LLGL1: variants seen among roughly 807,000 people sequenced by gnomAD.
LLGL1 encodes the protein lethal(2) giant larvae protein homolog 1.
A neutral mutation model predicts 110.6 loss-of-function variants in LLGL1; 58 were observed. That is an observed-to-expected ratio of 0.52 (90% CI 0.42 to 0.65). The LOEUF is 0.65. LLGL1 is among the 30% of genes least tolerant of loss of function. The pLI is 0.00. For synonymous variants in LLGL1, 674 were observed against 607.2 expected (o/e 1.11, Z -1.62); for missense variants, 1,229 against 1,462.1 (o/e 0.84, Z 2.60).
chr17:18,226,598 A>G (rs1249116750), intron 1 of LLGL1, among the ~76,000 whole-genome samples: 1 of 152,158 alleles, frequency 6.6e-6, no homozygotes, highest in Non-Finnish European at 1.5e-5. Flanking sequence ...CAGTTTCCCT[A>G]GCTGTGAAAT....
chr17:18,228,303 C>T (rs568215532), intron 1 of LLGL1, among the ~76,000 whole-genome samples: 3 of 152,278 alleles, frequency 2.0e-5, no homozygotes, highest in Middle Eastern at 3.4e-3. Flanking sequence ...TACTCCTGAG[C>T]GACAGGAAGT....
At chr17:18,231,006 G>T (rs1345863264) in intron 2 of LLGL1, among the ~76,000 whole-genome samples, 2 of 152,210 alleles carry the variant, frequency 1.3e-5, no homozygotes, top group Non-Finnish European at 2.9e-5. Flanking sequence ...TGCCTGGCCT[G>T]CTGCTCCCAC....
At chr17:18,228,737 G>A (rs1019972099) in intron 1 of LLGL1, among the ~76,000 whole-genome samples, 7 of 152,176 alleles carry the variant, frequency 4.6e-5, no homozygotes, top group Admixed American at 3.3e-4. Flanking sequence ...CAGCAAGGGC[G>A]TGGTATTATT....
Position 18,241,721 on chromosome 17 carries a change from G to A in LLGL1, c.2767+6G>A. The A allele has an allele frequency of 1.9e-6, 3 of 1,611,876 alleles. No homozygotes were observed. The highest frequency in any genetic ancestry group is 2.5e-6 in the Non-Finnish European group (3 of 1,178,960). ...CTTTACGCGCCATGGCCAGGGTGAG[G>A]CGGGGCAGAGGCCGAGGAGGCCTTC... On this transcript the variant is annotated splice_donor_region_variant and intron_variant, in intron 18 of 22. Coordinates refer to ENST00000316843, the MANE Select transcript of LLGL1 (RefSeq NM_004140.4).
chr17:18,240,517 A>G lies in LLGL1; in HGVS notation c.2207-61A>G. 1 of 1,499,236 alleles carries G rather than the reference A, an allele frequency of 6.7e-7. No individual in the cohort carries two copies. The highest frequency in any genetic ancestry group is 8.9e-7 in the Non-Finnish European group (1 of 1,122,624). The allele number at this position is 1,499,236 out of a possible 1,614,324, so 92.9% of individuals were successfully genotyped here. ...AGGGAGGGACCTGCAGTCTGTGGGA[A>G]GACCCCAGGGGAGATGCCTGGCCCA... On this transcript the variant is annotated intron_variant, in intron 16 of 22. Transcript: ENST00000316843. The surrounding 1 kb of genome is among the most constrained non-coding windows in gnomAD (Gnocchi z 5.3).
At chr17:18,242,086 C>A in intron 19 of LLGL1, 80 bp from the exon 20 acceptor site, 1 of 1,537,294 alleles carries the variant, frequency 6.5e-7, no homozygotes, top group Non-Finnish European at 9.0e-7. Flanking sequence ...TCCCTGGGCT[C>A]AGGAGTGGGA....
intron 21 of LLGL1, 53 bp downstream of exon 21, chr17:18,242,681 C>T (rs879572748): frequency 1.3e-5 from 21 of 1,570,662 alleles, no homozygotes; most frequent in African/African-American, 5.4e-5. Flanking sequence ...CCTAGGCCTC[C>T]GTCCCCAGGG....
At chr17:18,230,319 C>T (rs932610633) in intron 2 of LLGL1, among the ~76,000 whole-genome samples, 1 of 152,184 alleles carries the variant, frequency 6.6e-6, no homozygotes, top group Admixed American at 6.5e-5. Flanking sequence ...GTTACCTAGG[C>T]GACCCTGCCA....
chr17:18,236,822 C>T lies in LLGL1; in HGVS notation c.1507-13C>T, dbSNP rs2047705286. 6.2e-7 allele frequency: 1 copy of T among 1,613,362 alleles called. No homozygotes were observed. Among genetic ancestry groups the T allele is most frequent in the African/African-American group, 1.3e-5 (1 of 74,892 alleles). Reference sequence around the variant, plus strand: ...ACCCCGCCTGGACTCATTACTCCTTCCCATCCCTCTAGGTGGGCTGCTTCG... The same window carrying T: ...ACCCCGCCTGGACTCATTACTCCTTTCCATCCCTCTAGGTGGGCTGCTTCG... On this transcript the variant is annotated splice_polypyrimidine_tract_variant and intron_variant, in intron 12 of 22. Coordinates refer to ENST00000316843, the MANE Select transcript of LLGL1 (RefSeq NM_004140.4).
In LLGL1 at chr17:18,236,661, G is replaced by A. The variant is rs137941953; in HGVS notation, c.1407G>A (p.Pro469=). The change falls in exon 12 of 23, where the codon CCG becomes CCA. Residue 469 remains proline, a synonymous_variant. Transcript: ENST00000316843. ...FWDASGVALR[P]LYKLSTAGLF... is the part of the protein sequence containing the mutation. ...ATGCCTCGGGTGTGGCGCTGCGGCC[G>A]CTCTATAAGCTGAGCACAGCTGGCC... 28 of 1,612,674 alleles carry A rather than the reference G, an allele frequency of 1.7e-5. No homozygotes were observed. The highest frequency in any genetic ancestry group is 1.7e-4 in the Admixed American group (10 of 60,002).
chr17:18,242,910 A>G, intron 22 of LLGL1, 88 bp downstream of exon 22: 1 of 1,262,554 alleles, frequency 7.9e-7, no homozygotes, highest in South Asian at 1.6e-5. Flanking sequence ...CTGGTCTTCT[A>G]CCTGAGACCC....
intron 1 of LLGL1, among the ~76,000 whole-genome samples, chr17:18,228,387 G>C (rs1348088054): frequency 6.6e-6 from 1 of 152,226 alleles, no homozygotes; most frequent in Non-Finnish European, 1.5e-5. Context: ...CCTTAGCTGG[G>C]AGCCCCAGGA....
In LLGL1 at chr17:18,235,201, C is replaced by T. The variant is rs1336407588; in HGVS notation, c.1173C>T (p.His391=). The change falls in exon 10 of 23, where the codon CAC becomes CAT. Residue 391 remains histidine, a synonymous_variant. Coordinates refer to ENST00000316843, the MANE Select transcript of LLGL1 (RefSeq NM_004140.4). ...AVPAPYLAPL[H]SSAITCSAHV... ...CTGCCCCATACCTGGCCCCGCTGCACTCCTCTGCAATCACTTGCTCGGCCC... is the reference window on the plus strand; with the variant it reads ...CTGCCCCATACCTGGCCCCGCTGCATTCCTCTGCAATCACTTGCTCGGCCC... 1 of 1,612,162 alleles carries T rather than the reference C, an allele frequency of 6.2e-7. No homozygotes were observed. The highest frequency in any genetic ancestry group is 1.7e-5 in the Admixed American group (1 of 60,022).
intron 11 of LLGL1, chr17:18,236,066 A>C: frequency 5.6e-6 from 1 of 177,950 alleles, no homozygotes; most frequent in Non-Finnish European, 1.2e-5. Context: ...GGCTTTCACC[A>C]CCGCCTGGGG....
In LLGL1 at chr17:18,236,942, A is replaced by G; in HGVS notation, c.1611+3A>G. 6.2e-7 allele frequency: 1 copy of G among 1,609,370 alleles called. No homozygotes were observed. Among genetic ancestry groups the G allele is most frequent in the Non-Finnish European group, 8.5e-7 (1 of 1,177,232 alleles). On this transcript the variant is annotated splice_donor_region_variant and intron_variant, in intron 13 of 22. Transcript: ENST00000316843. ...TGGTGGCTGGCACTGCAGGCCAGGTAGGGCTGGGTGTCCCCTGGGTTGGAG... is the reference window on the plus strand; with the variant it reads ...TGGTGGCTGGCACTGCAGGCCAGGTGGGGCTGGGTGTCCCCTGGGTTGGAG...
In LLGL1 at chr17:18,242,585, A is replaced by G. The variant is rs141785202; in HGVS notation, c.3073A>G (p.Thr1025Ala). ...CACCAGTGCTGACACCACGCTGGAC[A>G]CGACAGGGGACGTCACAGTGGAAGA... ...SATSADTTLDTTGDVTVEDVK... is the reference protein window; with the variant it reads ...SATSADTTLDATGDVTVEDVK... Residue 1025 changes from threonine to alanine, a missense_variant, in exon 21 of 23, where the codon ACG becomes GCG. Coordinates refer to ENST00000316843, the MANE Select transcript of LLGL1 (RefSeq NM_004140.4). The G allele has an allele frequency of 6.6e-5, 106 of 1,613,934 alleles. No homozygotes were observed. The highest frequency in any genetic ancestry group is 8.3e-5 in the Non-Finnish European group (98 of 1,179,940).
chr17:18,236,492 G>A (rs1324978066), intron 11 of LLGL1, 115 bp from the exon 12 acceptor site: 1 of 1,035,904 alleles, frequency 9.7e-7, no homozygotes, highest in East Asian at 2.4e-5. Flanking sequence ...TAGGATTCCG[G>A]TCAGTGTTTG....
At position 18,234,205 on chromosome 17, in the gene LLGL1, C is replaced by T. The variant is rs768744902; in HGVS notation, c.714+30C>T. On this transcript the variant is annotated intron_variant, in intron 6 of 22. Coordinates refer to ENST00000316843, the MANE Select transcript of LLGL1 (RefSeq NM_004140.4). ...GTAGGTGAGGCCTGTGTCCCCTCAG[C>T]CTGGGCCCCTTGTGCATGCCCACCA... is the stretch of plus-strand genomic sequence containing the variant. 3.1e-6 allele frequency: 5 copies of T among 1,600,240 alleles called. No individual in the cohort carries two copies. The African/African-American group carries it at 4.0e-5, about 13-fold the overall frequency.
intron 22 of LLGL1, among the ~76,000 whole-genome samples, chr17:18,243,659 C>G (rs1394402625): frequency 6.6e-6 from 1 of 152,236 alleles, no homozygotes; most frequent in African/African-American, 2.4e-5. Context: ...CCTCACCCTG[C>G]ACAGGACATG....
Sources: allele counts gnomAD v4.1 joint callset (sites outside exome capture counted in the v4.1 genomes callset), GRCh38; gene constraint gnomAD v4.1.1; non-coding constraint Gnocchi (gnomAD v3.1); transcripts MANE v1.5; gene names NCBI Gene and HGNC (gene_info 2026-07-23, HGNC 2026-07-21).